Variants in MAGI1 observed in about 807,000 individuals in gnomAD.
The protein encoded by MAGI1 is membrane-associated guanylate kinase, WW and PDZ domain-containing protein 1.
MAGI1 carries 58 observed loss-of-function variants against 139.9 expected under a neutral mutation model. That is an observed-to-expected ratio of 0.41 (90% CI 0.34 to 0.52). The LOEUF is 0.52. Among genes scored for constraint, MAGI1 ranks in the 20% least tolerant of loss-of-function variants. MAGI1 has a pLI of 0.12. For synonymous variants in MAGI1, 812 were observed against 737.9 expected, an observed-to-expected ratio of 1.10 and a Z score of -1.63; for missense variants, 1,874 against 1,901.6, an observed-to-expected ratio of 0.99 and a Z score of 0.27.
chr3:65,440,453 G>T (rs1948204672), intron 8 of MAGI1, among the ~76,000 whole-genome samples: 1 of 152,114 alleles, frequency 6.6e-6, no homozygotes, highest in Admixed American at 6.6e-5. Flanking sequence ...CCTGACAGGG[G>T]AAGCTGCTTT....
At chr3:65,693,815 C>T (rs982861498) in intron 1 of MAGI1, among the ~76,000 whole-genome samples, 5 of 152,024 alleles carry the variant, frequency 3.3e-5, no homozygotes, top group African/African-American at 1.2e-4. Flanking sequence ...CTTCTACATC[C>T]CGGATTCAAA....
At chr3:65,656,150 A>C (rs1251151392) in intron 1 of MAGI1, among the ~76,000 whole-genome samples, 1 of 152,106 alleles carries the variant, frequency 6.6e-6, no homozygotes, top group African/African-American at 2.4e-5. Context: ...AAGTTTCAGA[A>C]GTGTTAAATT....
intron 1 of MAGI1, among the ~76,000 whole-genome samples, chr3:65,889,485 T>A (rs568856952): frequency 6.6e-6 from 1 of 152,350 alleles, no homozygotes; most frequent in South Asian, 2.1e-4. Flanking sequence ...GTCATAGTAA[T>A]GACTATTCTT....
chr3:65,864,166 A>T, intron 1 of MAGI1, among the ~76,000 whole-genome samples: 1 of 152,246 alleles, frequency 6.6e-6, no homozygotes, highest in East Asian at 1.9e-4. Context: ...TTTTGTAAAA[A>T]GGTTATACCC....
At chr3:65,712,319 A>G (rs901126245) in intron 1 of MAGI1, among the ~76,000 whole-genome samples, 3 of 152,044 alleles carry the variant, frequency 2.0e-5, no homozygotes, top group Admixed American at 1.3e-4. Context: ...GGCCATGTGT[A>G]GGTTCTGGCT....
At chr3:65,694,418 T>C (rs1404633774) in intron 1 of MAGI1, among the ~76,000 whole-genome samples, 2 of 150,250 alleles carry the variant, frequency 1.3e-5, no homozygotes, top group African/African-American at 4.9e-5. Flanking sequence ...TGCTTTGGAA[T>C]ATGCCTGGCG....
rs186993468 is a variant in MAGI1, at chr3:65,713,508, C to G, written c.314-91420G>C. Among the ~76,000 whole-genome samples the G allele has an allele frequency of 5.3e-5, 8 of 152,180 alleles. No individual in the cohort carries two copies. The East Asian group carries it at 1.2e-3, about 22-fold the overall frequency. ...CTTCCAATATAATACTGGCTGTCTACCCTGTGGGAACTACTAAAACAAGTC... is the reference window on the plus strand; with the variant it reads ...CTTCCAATATAATACTGGCTGTCTAGCCTGTGGGAACTACTAAAACAAGTC... On this transcript the variant is annotated intron_variant, in intron 1 of 22. Coordinates refer to ENST00000402939, the MANE Select transcript of MAGI1 (RefSeq NM_001033057.2).
At chr3:65,683,062 A>T (rs988255007) in intron 1 of MAGI1, among the ~76,000 whole-genome samples, 1 of 152,044 alleles carries the variant, frequency 6.6e-6, no homozygotes, top group Non-Finnish European at 1.5e-5. Context: ...TCTAATGCCA[A>T]TGCTGATCTG....
intron 1 of MAGI1, among the ~76,000 whole-genome samples, chr3:65,670,777 G>A (rs1231709750): frequency 6.6e-6 from 1 of 152,000 alleles, no homozygotes; most frequent in African/African-American, 2.4e-5. Context: ...CTGAAACTGG[G>A]CAAATTTGCT....
At chr3:65,853,181 A>G (rs561450673) in intron 1 of MAGI1, among the ~76,000 whole-genome samples, 1 of 152,170 alleles carries the variant, frequency 6.6e-6, no homozygotes, top group South Asian at 2.1e-4. Flanking sequence ...AAAAAAAAAA[A>G]ATTAATTGTG....
intron 2 of MAGI1, among the ~76,000 whole-genome samples, chr3:65,554,715 C>G (rs1002150212): frequency 2.6e-5 from 4 of 152,212 alleles, no homozygotes; most frequent in African/African-American, 9.7e-5. Context: ...TTCATGAAAT[C>G]TTTCTAGCAC....
At chr3:65,536,849 G>A (rs2078980227) in intron 2 of MAGI1, among the ~76,000 whole-genome samples, 1 of 152,200 alleles carries the variant, frequency 6.6e-6, no homozygotes, top group Non-Finnish European at 1.5e-5. Context: ...AGATAAGACT[G>A]AGAATGGCAC....
chr3:65,721,642 G>T (rs762554943), intron 1 of MAGI1, among the ~76,000 whole-genome samples: 8 of 152,152 alleles, frequency 5.3e-5, no homozygotes, highest in Non-Finnish European at 1.0e-4. Context: ...ATGCCTCTGG[G>T]TGTTGGGAAA....
chr3:65,470,162 A>C, intron 5 of MAGI1, 121 bp downstream of exon 5: 1 of 643,562 alleles, frequency 1.6e-6, no homozygotes, highest in Non-Finnish European at 2.6e-6. Flanking sequence ...ACCTTATTAA[A>C]AAATACCATC....
chr3:65,738,341 T>TA (rs765926310), intron 1 of MAGI1, among the ~76,000 whole-genome samples: 19 of 152,212 alleles, frequency 1.2e-4, no homozygotes, highest in African/African-American at 4.6e-4. Flanking sequence ...CAAGCCAATT[T>TA]AAAAAAAAAA....
At chr3:65,655,623 C>T (rs1428663948) in intron 1 of MAGI1, among the ~76,000 whole-genome samples, 1 of 152,166 alleles carries the variant, frequency 6.6e-6, no homozygotes, top group African/African-American at 2.4e-5. Flanking sequence ...GTGCTAAGTG[C>T]TCGCATACAT....
At chr3:65,423,251 T>C (rs1006376070) in intron 12 of MAGI1, among the ~76,000 whole-genome samples, 1 of 152,194 alleles carries the variant, frequency 6.6e-6, no homozygotes, top group South Asian at 2.1e-4. Context: ...ATTCATTCTC[T>C]GGTCCAAGAC....
Position 66,008,828 on chromosome 3 carries a change from C to G in MAGI1, c.313+29168G>C, listed in dbSNP as rs563035076. 3.3e-5 allele frequency: 5 copies of G among 152,560 alleles called. No homozygotes were observed. In the East Asian group the frequency reaches 9.7e-4, roughly 29 times the overall value. 9.5% of individuals were successfully genotyped at this position (152,560 alleles called of 1,614,324 possible). On this transcript the variant is annotated intron_variant, in intron 1 of 22. Coordinates refer to ENST00000402939, the MANE Select transcript of MAGI1 (RefSeq NM_001033057.2). Reference sequence around the variant, plus strand: ...ATGAAGCTGGCCGGGGGGCAGGGGCCAGACCATGAGGGCTCTTGTAGCTCT... The same window carrying G: ...ATGAAGCTGGCCGGGGGGCAGGGGCGAGACCATGAGGGCTCTTGTAGCTCT...
chr3:65,486,949 A>T (rs1024974090), intron 3 of MAGI1, among the ~76,000 whole-genome samples: 2 of 152,230 alleles, frequency 1.3e-5, no homozygotes, highest in Admixed American at 1.3e-4. Context: ...GATTGTCATC[A>T]TCTGTCTTTT....
Sources: gnomAD v4.1 joint callset for allele counts (sites outside exome capture counted in the v4.1 genomes callset) on GRCh38, gnomAD v4.1.1 for gene constraint, MANE v1.5 for transcripts, NCBI Gene and HGNC (gene_info 2026-07-23, HGNC 2026-07-21) for gene names.